Variants in TMTC1 observed in about 807,000 individuals in gnomAD.
TMTC1 encodes the protein protein O-mannosyl-transferase TMTC1.
Under a neutral mutation model 104.8 loss-of-function variants are expected in TMTC1, and 73 were observed. The ratio of observed to expected loss-of-function variants is 0.70; its 90% confidence interval spans 0.58 to 0.85. TMTC1 has a LOEUF of 0.85. Among genes scored for constraint, TMTC1 ranks in the 40% least tolerant of loss-of-function variants. The probability of loss-of-function intolerance (pLI) is 0.00; values close to 1 mark genes in which losing one functional copy is unlikely to be tolerated. For missense variants in TMTC1, 1,035 were observed against 1,096.1 expected (o/e 0.94, Z 0.79); for synonymous variants, 434 against 428.7 (o/e 1.01, Z -0.15).
intron 5 of TMTC1, among the ~76,000 whole-genome samples, chr12:29,675,023 A>C (rs1188620116): frequency 6.6e-6 from 1 of 152,208 alleles, no homozygotes; most frequent in Non-Finnish European, 1.5e-5. Flanking sequence ...CAGTGTTGCT[A>C]TATTTCCAGT....
rs550907511 is a variant in TMTC1 at position 29,561,546 on chromosome 12, T to G, written c.1533-4546A>C. On this transcript the variant is annotated intron_variant, in intron 9 of 17. Coordinates refer to ENST00000539277, the MANE Select transcript of TMTC1 (RefSeq NM_001193451.2). The stretch of plus-strand genomic sequence containing the variant: ...TGGGATTAACAACACCCAGTAAGTG[T>G]GTAAGATTTACATACGTGCTTTCTG... Among the ~76,000 whole-genome samples, 3 of 152,354 alleles carry G rather than the reference T, an allele frequency of 2.0e-5. No homozygotes were observed. The East Asian group carries it at 5.8e-4, about 29-fold the overall frequency.
chr12:29,754,354 G>A (rs771028554), intron 4 of TMTC1, among the ~76,000 whole-genome samples: 1 of 152,158 alleles, frequency 6.6e-6, no homozygotes, highest in African/African-American at 2.4e-5. Context: ...AGAAAGAGGT[G>A]TAGGCACCAG....
At chr12:29,752,975 G>C (rs1265754841) in intron 4 of TMTC1, among the ~76,000 whole-genome samples, 6 of 152,168 alleles carry the variant, frequency 3.9e-5, no homozygotes. Flanking sequence ...TTCAGGAGCT[G>C]ATTTTGTACT....
At chr12:29,558,830 G>C (rs537753685) in intron 9 of TMTC1, among the ~76,000 whole-genome samples, 3 of 152,296 alleles carry the variant, frequency 2.0e-5, no homozygotes, top group Admixed American at 2.0e-4. Flanking sequence ...GATGCCTTTA[G>C]AAGATATGAG....
At chr12:29,606,161 T>C (rs528609447) in intron 6 of TMTC1, among the ~76,000 whole-genome samples, 56 of 152,386 alleles carry the variant, frequency 3.7e-4, no homozygotes, top group Non-Finnish European at 6.2e-4. Context: ...TGAAAAGTGC[T>C]GTGATAAACA....
chr12:29,775,055 G>A (rs570205942), intron 1 of TMTC1, among the ~76,000 whole-genome samples: 81 of 152,158 alleles, frequency 5.3e-4, no homozygotes, highest in African/African-American at 1.6e-3. Flanking sequence ...AGTAATAACT[G>A]TACTAAAGAA....
chr12:29,642,282 T>C (rs1484971082), intron 5 of TMTC1, among the ~76,000 whole-genome samples: 1 of 152,078 alleles, frequency 6.6e-6, no homozygotes, highest in Non-Finnish European at 1.5e-5. Context: ...CCTAGGCACG[T>C]TGTCATCAGG....
At position 29,666,259 on chromosome 12, in the gene TMTC1, G is replaced by A. The variant is rs560106476; in HGVS notation, c.939-32923C>T. 9.0e-4 allele frequency: 335 copies of A among 371,624 alleles called. 1 individual carries two copies. The highest frequency in any genetic ancestry group is 1.5e-3 in the Non-Finnish European group (297 of 200,804). The allele number at this position is 371,624 out of a possible 1,614,324, so 23.0% of individuals were successfully genotyped here. On this transcript the variant is annotated intron_variant, in intron 5 of 17. Transcript: ENST00000539277. ...TTTTTTTTTTTGGAGACGGAGTCTC[G>A]CTCTGTCACCCAGGCTGGAGTGCAG...
intron 5 of TMTC1, among the ~76,000 whole-genome samples, chr12:29,674,032 T>C (rs1940628288): frequency 6.6e-6 from 1 of 152,018 alleles, no homozygotes; most frequent in Admixed American, 6.6e-5. Context: ...GTGCTGGGAT[T>C]ACAGGTGTGA....
chr12:29,713,058 C>G (rs1200298115), intron 5 of TMTC1, among the ~76,000 whole-genome samples: 1 of 151,804 alleles, frequency 6.6e-6, no homozygotes, highest in Non-Finnish European at 1.5e-5. Context: ...CGAGGCTCAT[C>G]CAATCAATTG....
intron 2 of TMTC1, among the ~76,000 whole-genome samples, chr12:29,761,437 TAC>T (rs1418735453): frequency 1.3e-5 from 2 of 152,128 alleles, no homozygotes; most frequent in African/African-American, 4.8e-5. Context: ...ATAGAAAGTA[TAC>T]AGTTATTCTC....
chr12:29,512,197 G>C, intron 16 of TMTC1, 77 bp from the exon 17 acceptor site: 1 of 1,220,820 alleles, frequency 8.2e-7, no homozygotes, highest in Non-Finnish European at 1.2e-6. Context: ...CTTTCTTCAC[G>C]TGTGAAAATT....
At chr12:29,728,197 G>A (rs12298050) in intron 5 of TMTC1, among the ~76,000 whole-genome samples, 13,163 of 152,208 alleles carry the variant, frequency 0.086, 652 homozygotes, top group Middle Eastern at 0.14. Context: ...AGGGAGTGAG[G>A]ATCCATGGGG....
intron 11 of TMTC1, among the ~76,000 whole-genome samples, chr12:29,525,038 C>T (rs1298355133): frequency 6.7e-6 from 1 of 149,092 alleles, no homozygotes; most frequent in African/African-American, 2.5e-5. Flanking sequence ...TTAGCTTTAT[C>T]TTAAGGTTTC....
intron 5 of TMTC1, among the ~76,000 whole-genome samples, chr12:29,675,589 T>TAC (rs10605906): frequency 0.23 from 26,960 of 116,076 alleles, 3,043 homozygotes; most frequent in Non-Finnish European, 0.34. Context: ...CACATGCAAA[T>TAC]ACACACACAC....
intron 5 of TMTC1, among the ~76,000 whole-genome samples, chr12:29,690,660 T>C (rs1463030402): frequency 1.3e-5 from 2 of 152,298 alleles, no homozygotes; most frequent in African/African-American, 4.8e-5. Context: ...TAGACAAATA[T>C]ATTAATTTGG....
intron 13 of TMTC1, among the ~76,000 whole-genome samples, 166 bp from the exon 14 acceptor site, chr12:29,517,737 A>G (rs1944029497): frequency 6.6e-6 from 1 of 151,738 alleles, no homozygotes; most frequent in African/African-American, 2.4e-5. Context: ...TTTTTTTGAG[A>G]CAGAGTCTCA....
At chr12:29,568,858 A>C in intron 9 of TMTC1, 1 of 454,792 alleles carries the variant, frequency 2.2e-6, no homozygotes, top group Admixed American at 2.4e-5. Context: ...TACTCCCATC[A>C]CACAAGGTAG....
At position 29,577,657 on chromosome 12, in the gene TMTC1, AG is replaced by A. The variant is rs1686730996; in HGVS notation, c.1419-5440del. ...GATCAGTGGTCCAGTCATAAGTGACAGTATTGCATTTCTACAACAGCCAAAG... is the reference window on the plus strand; with the variant it reads ...GATCAGTGGTCCAGTCATAAGTGACATATTGCATTTCTACAACAGCCAAAG... On this transcript the variant is annotated intron_variant, in intron 8 of 17. Transcript: ENST00000539277. 3.3e-5 allele frequency among the ~76,000 whole-genome samples: 5 copies of A among 152,154 alleles called. No individual in the cohort carries two copies. In the South Asian group the frequency reaches 1.0e-3, roughly 32 times the overall value.
Sources: allele counts gnomAD v4.1 joint callset (sites outside exome capture counted in the v4.1 genomes callset), GRCh38; gene constraint gnomAD v4.1.1; transcripts MANE v1.5; gene names NCBI Gene and HGNC (gene_info 2026-07-23, HGNC 2026-07-21).